The following CADPS variants were observed in gnomAD, a reference collection of about 807,000 sequenced individuals.
CADPS encodes calcium-dependent secretion activator 1.
CADPS carries 57 observed loss-of-function variants against 167.3 expected under a neutral mutation model. The ratio of observed to expected loss-of-function variants is 0.34; its 90% confidence interval spans 0.28 to 0.42. The LOEUF is 0.42. CADPS is among the 20% of genes least tolerant of loss of function. The probability of loss-of-function intolerance (pLI) is 1.00; values close to 1 mark genes in which losing one functional copy is unlikely to be tolerated. For synonymous variants in CADPS, 676 were observed against 635.3 expected (o/e 1.06, Z -0.96); for missense variants, 1,414 against 1,738.1 (o/e 0.81, Z 3.32).
chr3:62,702,439 G>T (rs1298780522), intron 3 of CADPS, among the ~76,000 whole-genome samples: 1 of 152,112 alleles, frequency 6.6e-6, no homozygotes, highest in Non-Finnish European at 1.5e-5. Flanking sequence ...AGGCCTGGGA[G>T]ACTCTGCAGG....
At chr3:62,498,914 C>T (rs1576866420) in intron 18 of CADPS, among the ~76,000 whole-genome samples, 1 of 152,180 alleles carries the variant, frequency 6.6e-6, no homozygotes, top group African/African-American at 2.4e-5. Flanking sequence ...AAAAAGCACT[C>T]ACCTCATTTG....
Position 62,753,383 on chromosome 3 carries a change from A to T in CADPS, c.888+58T>A. 1.6e-6 allele frequency: 2 copies of T among 1,234,820 alleles called. No homozygotes were observed. The highest frequency in any genetic ancestry group is 1.4e-5 in the South Asian group (1 of 71,476). The allele number at this position is 1,234,820 out of a possible 1,614,324, so 76.5% of individuals were successfully genotyped here. A position where few individuals can be genotyped will look rare whatever the true frequency, so the allele number is the denominator to read the frequency against. ...AAAAAAATCAAGAAGTATCTCATAG[A>T]AGTTGGAATGCAGCTCTGCTTACCC... On this transcript the variant is annotated intron_variant, in intron 3 of 29. Coordinates refer to ENST00000383710, the MANE Select transcript of CADPS (RefSeq NM_003716.4). This position sits in a 1 kb window ranked among gnomAD's most constrained non-coding sequence, Gnocchi z 4.6.
Position 62,833,198 on chromosome 3 carries a change from G to A in CADPS, c.441+41391C>T, listed in dbSNP as rs1013024872. On this transcript the variant is annotated intron_variant, in intron 1 of 29. Coordinates refer to ENST00000383710, the MANE Select transcript of CADPS (RefSeq NM_003716.4). ...GAGACAAGATTTTGCTCTATTGCCCGGGCTGGATTACAGTGGCATGATCAT... is the reference window on the plus strand; with the variant it reads ...GAGACAAGATTTTGCTCTATTGCCCAGGCTGGATTACAGTGGCATGATCAT... 4.4e-4 allele frequency among the ~76,000 whole-genome samples: 67 copies of A among 152,012 alleles called. 1 individual carries two copies. Among genetic ancestry groups the A allele is most frequent in the African/African-American group, 1.4e-3 (60 of 41,486 alleles).
At chr3:62,596,322 A>G (rs1288974993) in intron 6 of CADPS, among the ~76,000 whole-genome samples, 1 of 151,668 alleles carries the variant, frequency 6.6e-6, no homozygotes, top group African/African-American at 2.4e-5. Context: ...CAGCCTCCCA[A>G]GTAGCTGGGA....
intron 4 of CADPS, among the ~76,000 whole-genome samples, chr3:62,661,035 A>G (rs561827603): frequency 3.3e-5 from 5 of 152,280 alleles, no homozygotes; most frequent in African/African-American, 1.2e-4. Flanking sequence ...GGATTGACTG[A>G]GTTGGTACAT....
intron 8 of CADPS, among the ~76,000 whole-genome samples, chr3:62,577,560 A>G (rs939779721): frequency 3.9e-5 from 6 of 152,208 alleles, no homozygotes; most frequent in African/African-American, 1.4e-4. Context: ...TGGGCTGGAA[A>G]AAAGTACAAA....
At position 62,645,793 on chromosome 3, in the gene CADPS, G is replaced by A. The variant is rs1434547440; in HGVS notation, c.1254C>T (p.Ile418=). The A allele has an allele frequency of 4.3e-6, 7 of 1,613,940 alleles. No individual in the cohort carries two copies. Among genetic ancestry groups the A allele is most frequent in the South Asian group, 2.2e-5 (2 of 91,058 alleles). The change falls in exon 6 of 30, where the codon ATC becomes ATT. Residue 418 remains isoleucine (I), a synonymous_variant. Transcript: ENST00000383710. The part of the protein sequence containing the change: ...QGLKSLAPNR[I]VYCTMEVEGG... ...CTTCCACCTCCATTGTGCAATATAC[G>A]ATGCGATTTGGAGCCAAAGATTTGA...
At chr3:62,705,738 A>G (rs1433868104) in intron 3 of CADPS, among the ~76,000 whole-genome samples, 1 of 152,084 alleles carries the variant, frequency 6.6e-6, no homozygotes, top group East Asian at 1.9e-4. Context: ...CAGCTTGCAG[A>G]TGGCCTATTG....
intron 9 of CADPS, among the ~76,000 whole-genome samples, chr3:62,569,975 G>T (rs907239764): frequency 1.3e-5 from 2 of 152,072 alleles, no homozygotes; most frequent in African/African-American, 4.8e-5. Context: ...TTTAAGAAAT[G>T]CTCAAGAGTA....
In CADPS at chr3:62,412,654, A is replaced by G. The variant is rs1029189467; in HGVS notation, c.3778-9469T>C. ...CATCAAAATTTCTAACGAATGATTA[A>G]AGGGATGAATCCACAAGTAGACTCC... On this transcript the variant is annotated intron_variant, in intron 28 of 29. Coordinates refer to ENST00000383710, the MANE Select transcript of CADPS (RefSeq NM_003716.4). This position sits in a 1 kb window ranked among gnomAD's most constrained non-coding sequence, Gnocchi z 4.1. Among the ~76,000 whole-genome samples the G allele has an allele frequency of 6.6e-6, 1 of 152,182 alleles. No individual in the cohort carries two copies. The highest frequency in any genetic ancestry group is 2.4e-5 in the African/African-American group (1 of 41,456).
intron 17 of CADPS, among the ~76,000 whole-genome samples, chr3:62,507,825 T>G (rs933187175): frequency 1.3e-5 from 2 of 152,248 alleles, no homozygotes; most frequent in Non-Finnish European, 2.9e-5. Flanking sequence ...AGAACATCCT[T>G]TTAAATACTT....
At chr3:62,786,691 C>T (rs1160507667) in intron 1 of CADPS, among the ~76,000 whole-genome samples, 1 of 152,022 alleles carries the variant, frequency 6.6e-6, no homozygotes, top group Non-Finnish European at 1.5e-5. Flanking sequence ...ACACAAACAT[C>T]TTCCTAAAGT....
At chr3:62,857,593 T>C (rs941325267) in intron 1 of CADPS, among the ~76,000 whole-genome samples, 2 of 151,998 alleles carry the variant, frequency 1.3e-5, no homozygotes, top group African/African-American at 2.4e-5. Flanking sequence ...CTATATATAA[T>C]GTTGTGCAAA....
At chr3:62,694,890 A>G (rs979969938) in intron 3 of CADPS, among the ~76,000 whole-genome samples, 3 of 152,096 alleles carry the variant, frequency 2.0e-5, no homozygotes, top group Non-Finnish European at 2.9e-5. Context: ...GATGCCATCA[A>G]TCAGATAATT....
chr3:62,658,668 T>G (rs919187989), intron 4 of CADPS, among the ~76,000 whole-genome samples: 2 of 152,154 alleles, frequency 1.3e-5, no homozygotes, highest in African/African-American at 4.8e-5. Context: ...TGGGTACATC[T>G]GGAGTGCTTC....
chr3:62,514,910 G>C lies in CADPS; in HGVS notation c.2581+1149C>G, dbSNP rs1033891633. The stretch of plus-strand genomic sequence containing the variant: ...TTTGTCACTCATTACCAAGTCAAGA[G>C]TTGATAAACATCCTTTTGGTGCCCA... On this transcript the variant is annotated intron_variant, in intron 16 of 29. Coordinates refer to ENST00000383710, the MANE Select transcript of CADPS (RefSeq NM_003716.4). The surrounding 1 kb of genome is among the most constrained non-coding windows in gnomAD (Gnocchi z 4.2). 2.8e-4 allele frequency among the ~76,000 whole-genome samples: 43 copies of C among 152,126 alleles called. No individual in the cohort carries two copies. Among genetic ancestry groups the C allele is most frequent in the African/African-American group, 9.7e-4 (40 of 41,420 alleles).
intron 1 of CADPS, among the ~76,000 whole-genome samples, chr3:62,842,894 C>A (rs577792080): frequency 6.6e-6 from 1 of 152,112 alleles, no homozygotes; most frequent in Admixed American, 6.5e-5. Context: ...ATCTGTACTG[C>A]GTAACCAAGG....
At chr3:62,475,329 C>A (rs1344849145) in intron 23 of CADPS, among the ~76,000 whole-genome samples, 1 of 152,072 alleles carries the variant, frequency 6.6e-6, no homozygotes, top group Non-Finnish European at 1.5e-5. Flanking sequence ...AAGAAAAGCA[C>A]CTGGTTAGTA....
At chr3:62,853,132 A>G (rs1315057793) in intron 1 of CADPS, among the ~76,000 whole-genome samples, 1 of 152,210 alleles carries the variant, frequency 6.6e-6, no homozygotes, top group African/African-American at 2.4e-5. Context: ...AGTGAACAGT[A>G]GGACAAACAG....
Sources: allele counts gnomAD v4.1 joint callset (sites outside exome capture counted in the v4.1 genomes callset), GRCh38; gene constraint gnomAD v4.1.1; non-coding constraint Gnocchi (gnomAD v3.1); transcripts MANE v1.5; gene names NCBI Gene and HGNC (gene_info 2026-07-23, HGNC 2026-07-21).